Variants in XPO1 observed in about 807,000 individuals in gnomAD.
XPO1 encodes the protein exportin 1.
XPO1 carries 5 observed loss-of-function variants against 133.3 expected under a neutral mutation model. The observed-to-expected ratio is 0.04, with a 90% CI of 0.02 to 0.08. XPO1 has a LOEUF of 0.08. Among genes scored for constraint, XPO1 ranks in the 10% least tolerant of loss-of-function variants. The pLI, the probability that XPO1 is intolerant of heterozygous loss-of-function variation, is 1.00. For missense variants in XPO1, 506 were observed against 1,267.5 expected (o/e 0.40, Z 9.12); for synonymous variants, 419 against 408.2 (o/e 1.03, Z -0.32).
intron 19 of XPO1, among the ~76,000 whole-genome samples, chr2:61,486,679 G>T (rs1382801596): frequency 6.6e-6 from 1 of 152,104 alleles, no homozygotes; most frequent in African/African-American, 2.4e-5. Context: ...GGATGGTCTT[G>T]ATTTCCTGAC....
chr2:61,526,564 C>G (rs1438753923), intron 2 of XPO1, 43 bp from the exon 3 acceptor site: 2 of 1,418,776 alleles, frequency 1.4e-6, no homozygotes, highest in Admixed American at 2.6e-5. Flanking sequence ...CTAATGTATT[C>G]TTTTGAATCA....
intron 24 of XPO1, among the ~76,000 whole-genome samples, chr2:61,479,871 C>T (rs1696250877): frequency 6.6e-6 from 1 of 150,486 alleles, no homozygotes; most frequent in Non-Finnish European, 1.5e-5. Flanking sequence ...ACACTTTTTT[C>T]TCTTTTCTTT....
At position 61,490,722 on chromosome 2, in the gene XPO1, T is replaced by A; in HGVS notation, c.1942A>T (p.Thr648Ser). 6.2e-7 allele frequency: 1 copy of A among 1,614,224 alleles called. No homozygotes were observed. Among genetic ancestry groups the A allele is most frequent in the East Asian group, 2.2e-5 (1 of 44,886 alleles). The change falls in exon 17 of 25, where the codon ACA (threonine) becomes TCA (serine). Residue 648 changes from threonine to serine, a missense_variant. Coordinates refer to ENST00000401558, the MANE Select transcript of XPO1 (RefSeq NM_003400.4). Reference sequence around the variant, plus strand: ...TTTTCTATCAAGTGTTCTTGTACTGTTTGATCTGTTTGTGCACCAATCATG... The same window carrying A: ...TTTTCTATCAAGTGTTCTTGTACTGATTGATCTGTTTGTGCACCAATCATG... ...GYMIGAQTDQ[T>S]VQEHLIEKYM...
chr2:61,482,647 C>A (rs1696453650), intron 22 of XPO1, 108 bp from the exon 23 acceptor site: 19 of 1,095,624 alleles, frequency 1.7e-5, no homozygotes, highest in Non-Finnish European at 2.4e-5. Flanking sequence ...GCTCTGTCAC[C>A]CAAGCTGGAA....
intron 2 of XPO1, among the ~76,000 whole-genome samples, chr2:61,527,884 TG>T (rs1240815333): frequency 6.6e-6 from 1 of 152,026 alleles, no homozygotes; most frequent in Non-Finnish European, 1.5e-5. Context: ...AAGTCATCTT[TG>T]TGCCTTTCCC....
chr2:61,533,653 C>T, intron 2 of XPO1, 119 bp downstream of exon 2: 1 of 1,208,984 alleles, frequency 8.3e-7, no homozygotes, highest in Admixed American at 3.6e-5. Context: ...ATACAGAATT[C>T]CAAATTAATG....
chr2:61,492,007 A>C lies in XPO1; in HGVS notation c.1887+28T>G. ...ATTGATACAAGTGTTACTTTCTAAA[A>C]ATAACATATGCTCAGTGCTTAACAT... On this transcript the variant is annotated intron_variant, in intron 16 of 24. Transcript: ENST00000401558. The surrounding 1 kb of genome is among the most constrained non-coding windows in gnomAD (Gnocchi z 5.6). The C allele has an allele frequency of 6.2e-7, 1 of 1,610,126 alleles. No homozygotes were observed. The highest frequency in any genetic ancestry group is 8.5e-7 in the Non-Finnish European group (1 of 1,177,466).
In XPO1 at chr2:61,485,876, C is replaced by G. The variant is rs758710077; in HGVS notation, c.2400G>C (p.Val800=). ...TGACAATTATGGCCATAGTACTAAG[C>G]ACTTCTGGTTCTCTAGCAGCTGGGA... ...RNVPAAREPE[V]LSTMAIIVNK... is the part of the protein sequence containing the mutation. The change falls in exon 20 of 25, where the codon GTG becomes GTC. Residue 800 remains valine (V), a synonymous_variant. Transcript: ENST00000401558. 15 of 1,614,068 alleles carry G rather than the reference C, an allele frequency of 9.3e-6. No homozygotes were observed. The Admixed American group carries it at 2.5e-4, about 27-fold the overall frequency.
Position 61,497,900 on chromosome 2 carries a change from T to C in XPO1, c.759+773A>G, listed in dbSNP as rs145322759. ...GGACTGTTGACAATAGAAAGGTTTT[T>C]ACATAATTAAGCAATAAACTGATCA... On this transcript the variant is annotated intron_variant, in intron 9 of 24. Transcript: ENST00000401558. Among the ~76,000 whole-genome samples the C allele has an allele frequency of 5.3e-5, 8 of 152,364 alleles. No homozygotes were observed. In the East Asian group the frequency reaches 1.3e-3, roughly 26 times the overall value.
In XPO1 at chr2:61,500,106, C is replaced by A. The variant is rs117628610; in HGVS notation, c.409-212G>T. ...TCTTTTATCTTAATCACCGCAGGAC[C>A]CTTTTCAATTATCCTAATGAAAGGT... On this transcript the variant is annotated intron_variant, in intron 6 of 24. Transcript: ENST00000401558. Among the ~76,000 whole-genome samples the A allele has an allele frequency of 3.9e-4, 60 of 152,300 alleles. No individual in the cohort carries two copies. The East Asian group carries it at 9.4e-3, about 24-fold the overall frequency.
In XPO1 at chr2:61,533,850, C is replaced by T. The variant is rs1433802241; in HGVS notation, c.48G>A (p.Leu16=). ...TATCCAGTTTTTGGCTGAAATCAAG[C>T]AGCTGACGAGCTGCATGGTCTGCTA... is the stretch of plus-strand genomic sequence containing the variant. ...TMLADHAARQ[L]LDFSQKLDIN... The change falls in exon 2 of 25, where the codon CTG becomes CTA. Residue 16 remains leucine (L), a synonymous_variant. Coordinates refer to ENST00000401558, the MANE Select transcript of XPO1 (RefSeq NM_003400.4). The T allele has an allele frequency of 2.5e-6, 4 of 1,608,838 alleles. No homozygotes were observed. In the Middle Eastern group the frequency reaches 6.6e-4, roughly 266 times the overall value.
At chr2:61,533,275 G>T (rs1005277330) in intron 2 of XPO1, among the ~76,000 whole-genome samples, 1 of 151,882 alleles carries the variant, frequency 6.6e-6, no homozygotes, top group Admixed American at 6.6e-5. Flanking sequence ...CCTTTTAGTT[G>T]GGTTCAAAAA....
At chr2:61,480,514 C>T (rs1347848415) in intron 24 of XPO1, 3 of 151,956 alleles carry the variant, frequency 2.0e-5, no homozygotes, top group African/African-American at 7.3e-5. Context: ...CTCCCGACAT[C>T]AGGTGACCCA....
chr2:61,492,682 A>T lies in XPO1; in HGVS notation c.1451T>A (p.Val484Glu). The change falls in exon 14 of 25, where the codon GTG becomes GAG. Residue 484 changes from valine to glutamate, a missense_variant. This residue lies in a region of XPO1 where 21 missense variants were observed against 198.1 expected (regional missense o/e 0.11). Transcript: ENST00000401558. This position sits in a 1 kb window ranked among gnomAD's most constrained non-coding sequence, Gnocchi z 5.6. ...TTTCCATGACCACTCTGTACCATTCACTTGATTGTGAAGCTTCTCTGTCAT... is the reference window on the plus strand; with the variant it reads ...TTTCCATGACCACTCTGTACCATTCTCTTGATTGTGAAGCTTCTCTGTCAT... ...RIMTEKLHNQVNGTEWSWKNL... is the reference protein window; with the variant it reads ...RIMTEKLHNQENGTEWSWKNL... The T allele has an allele frequency of 6.2e-7, 1 of 1,613,904 alleles. No individual in the cohort carries two copies. The highest frequency in any genetic ancestry group is 8.5e-7 in the Non-Finnish European group (1 of 1,179,954).
intron 17 of XPO1, among the ~76,000 whole-genome samples, chr2:61,489,584 T>A (rs555229184): frequency 2.0e-5 from 3 of 151,250 alleles, no homozygotes; most frequent in Admixed American, 1.3e-4. Context: ...GGACGGAGTC[T>A]CGTTCTGTTG....
At chr2:61,496,315 G>A (rs189107104) in intron 10 of XPO1, among the ~76,000 whole-genome samples, 42 of 152,178 alleles carry the variant, frequency 2.8e-4, no homozygotes, top group Admixed American at 2.3e-3. Flanking sequence ...AGGCTCAAGC[G>A]ATCCTATTGC....
At chr2:61,536,134 G>C (rs888339398) in intron 1 of XPO1, 3 of 152,198 alleles carry the variant, frequency 2.0e-5, no homozygotes, top group African/African-American at 7.2e-5. Flanking sequence ...ACGAGATTTA[G>C]AATAGAAGGA....
rs1055739921 is a variant in XPO1, at chr2:61,534,980, T to C, written c.-6-1077A>G. On this transcript the variant is annotated intron_variant, in intron 1 of 24. Transcript: ENST00000401558. ...AGATTTTTTAAATTCCAGGTATTCA[T>C]TGGCAAGGTAAAAGCTGTAAAAGCT... 4.6e-5 allele frequency among the ~76,000 whole-genome samples: 7 copies of C among 152,228 alleles called. No individual in the cohort carries two copies. The East Asian group carries it at 5.8e-4, about 13-fold the overall frequency.
intron 23 of XPO1, among the ~76,000 whole-genome samples, chr2:61,481,529 G>T (rs1696357128): frequency 2.0e-5 from 3 of 152,010 alleles, no homozygotes; most frequent in African/African-American, 7.2e-5. Context: ...CACAATCGCG[G>T]CTCACCGCAA....
Sources: allele counts gnomAD v4.1 joint callset (sites outside exome capture counted in the v4.1 genomes callset), GRCh38; gene constraint gnomAD v4.1.1; regional missense constraint gnomAD v4.1.1; non-coding constraint Gnocchi (gnomAD v3.1); transcripts MANE v1.5; gene names NCBI Gene and HGNC (gene_info 2026-07-23, HGNC 2026-07-21).